Variants in SUGCT observed in about 807,000 individuals in gnomAD.
The protein encoded by SUGCT is succinyl-CoA:glutarate-CoA transferase, also known as succinyl-CoA:glutarate CoA-transferase.
A neutral mutation model predicts 55.0 loss-of-function variants in SUGCT; 41 were observed. The observed-to-expected ratio is 0.74, with a 90% CI of 0.58 to 0.97. SUGCT has a LOEUF of 0.97. Ranked by LOEUF, SUGCT falls within the 50% of genes least tolerant of loss-of-function variation. The pLI is 0.00. For synonymous variants in SUGCT, 187 were observed against 200.4 expected, an observed-to-expected ratio of 0.93 and a Z score of 0.56; for missense variants, 568 against 547.8, an observed-to-expected ratio of 1.04 and a Z score of -0.37.
At chr7:40,612,310 A>G (rs962074647) in intron 12 of SUGCT, among the ~76,000 whole-genome samples, 1 of 152,214 alleles carries the variant, frequency 6.6e-6, no homozygotes, top group Non-Finnish European at 1.5e-5. Flanking sequence ...AATGCTGATC[A>G]TTATGATCCA....
At chr7:40,359,883 A>G (rs1798064659) in intron 9 of SUGCT, among the ~76,000 whole-genome samples, 1 of 152,226 alleles carries the variant, frequency 6.6e-6, no homozygotes, top group Non-Finnish European at 1.5e-5. Context: ...AAATGACTAG[A>G]TGACTGTTGT....
chr7:40,686,416 A>G (rs1784467966), intron 12 of SUGCT, among the ~76,000 whole-genome samples: 1 of 152,220 alleles, frequency 6.6e-6, no homozygotes, highest in South Asian at 2.1e-4. Flanking sequence ...ACATTAATCT[A>G]TATATATAAA....
chr7:40,962,948 G>T, the SUGCT span, among the ~76,000 whole-genome samples: 1 of 152,086 alleles, frequency 6.6e-6, no homozygotes, highest in Admixed American at 6.5e-5. Flanking sequence ...TTTATTTCCA[G>T]CTTCCTCCCC....
At chr7:40,550,527 G>A (rs1405195921) in intron 12 of SUGCT, among the ~76,000 whole-genome samples, 2 of 152,180 alleles carry the variant, frequency 1.3e-5, no homozygotes, top group Admixed American at 1.3e-4. Context: ...GTAGAGGAGA[G>A]CAACCACACA....
At chr7:40,586,578 G>A (rs914150106) in intron 12 of SUGCT, among the ~76,000 whole-genome samples, 3 of 151,812 alleles carry the variant, frequency 2.0e-5, no homozygotes, top group African/African-American at 7.3e-5. Flanking sequence ...AAGCTCTGAG[G>A]TGATTGACAG....
intron 12 of SUGCT, among the ~76,000 whole-genome samples, chr7:40,605,468 C>A (rs1798478573): frequency 6.6e-6 from 1 of 152,196 alleles, no homozygotes; most frequent in African/African-American, 2.4e-5. Flanking sequence ...TAACATAGCT[C>A]TTTCTAAAAT....
At chr7:40,981,063 G>A in the SUGCT span, among the ~76,000 whole-genome samples, 2 of 152,038 alleles carry the variant, frequency 1.3e-5, no homozygotes, top group African/African-American at 2.4e-5. Context: ...AGGCCCAGTG[G>A]GATGGCAGCA....
At chr7:40,601,750 T>C (rs573059250) in intron 12 of SUGCT, among the ~76,000 whole-genome samples, 1 of 152,224 alleles carries the variant, frequency 6.6e-6, no homozygotes, top group Non-Finnish European at 1.5e-5. Flanking sequence ...TTTTTTTTTT[T>C]TTCTCATCAG....
At chr7:40,718,437 C>G (rs1786142800) in intron 12 of SUGCT, among the ~76,000 whole-genome samples, 1 of 152,202 alleles carries the variant, frequency 6.6e-6, no homozygotes, top group South Asian at 2.1e-4. Flanking sequence ...AAATATCTTA[C>G]TGTTTCCATA....
chr7:40,457,298 C>T (rs759748783), intron 10 of SUGCT, among the ~76,000 whole-genome samples: 9 of 151,896 alleles, frequency 5.9e-5, no homozygotes, highest in Non-Finnish European at 1.0e-4. Flanking sequence ...AAAAATTAGC[C>T]GGGCATGATG....
At chr7:40,302,779 C>G (rs1475876963) in intron 8 of SUGCT, among the ~76,000 whole-genome samples, 1 of 152,086 alleles carries the variant, frequency 6.6e-6, no homozygotes, top group Non-Finnish European at 1.5e-5. Flanking sequence ...TTGCATTGTA[C>G]AGGATGTATA....
intron 12 of SUGCT, among the ~76,000 whole-genome samples, chr7:40,720,879 C>T (rs919335311): frequency 3.9e-5 from 6 of 152,190 alleles, no homozygotes; most frequent in African/African-American, 1.4e-4. Context: ...TTTTAAAACA[C>T]TGAGCTGTAT....
intron 12 of SUGCT, among the ~76,000 whole-genome samples, chr7:40,657,586 G>C (rs1488267833): frequency 6.6e-6 from 1 of 151,882 alleles, no homozygotes; most frequent in East Asian, 1.9e-4. Flanking sequence ...CCGGGCTGGG[G>C]TGCAATGGCG....
intron 12 of SUGCT, among the ~76,000 whole-genome samples, chr7:40,673,623 A>G (rs1045655154): frequency 2.0e-5 from 3 of 152,230 alleles, no homozygotes; most frequent in Admixed American, 6.5e-5. Flanking sequence ...AGAGTATTAT[A>G]TAACCATCCA....
chr7:40,898,979 G>C, the SUGCT span, among the ~76,000 whole-genome samples: 112 of 152,210 alleles, frequency 7.4e-4, no homozygotes, highest in African/African-American at 2.6e-3. Flanking sequence ...CTCTCCTTGG[G>C]GCTGGGGAGG....
chr7:40,841,141 T>C (rs1179796634), intron 13 of SUGCT, among the ~76,000 whole-genome samples: 1 of 151,966 alleles, frequency 6.6e-6, no homozygotes, highest in Non-Finnish European at 1.5e-5. Context: ...CTCATGAGAG[T>C]ACTTCCTTTT....
intron 13 of SUGCT, among the ~76,000 whole-genome samples, chr7:40,817,995 A>T (rs1015987100): frequency 6.6e-6 from 1 of 152,174 alleles, no homozygotes; most frequent in Admixed American, 6.5e-5. Context: ...CAAGAAATCA[A>T]TTTGCTTAAT....
intron 12 of SUGCT, among the ~76,000 whole-genome samples, chr7:40,646,555 A>G (rs1419073010): frequency 6.6e-6 from 1 of 151,956 alleles, no homozygotes; most frequent in Non-Finnish European, 1.5e-5. Context: ...CATTTCTATC[A>G]TTTTTACTGG....
chr7:40,864,814 C>T (rs1483466174), downstream of SUGCT, among the ~76,000 whole-genome samples: 2 of 152,102 alleles, frequency 1.3e-5, no homozygotes. Flanking sequence ...TGAACCCAGC[C>T]TGACGTGTTG....
Sources: gnomAD v4.1 joint callset for allele counts (sites outside exome capture counted in the v4.1 genomes callset) on GRCh38, gnomAD v4.1.1 for gene constraint, MANE v1.5 for transcripts, NCBI Gene and HGNC (gene_info 2026-07-23, HGNC 2026-07-21) for gene names.